The following MBD5 variants were observed in gnomAD, a reference collection of about 807,000 sequenced individuals.
MBD5 encodes methyl-CpG binding domain protein 5, also known as methyl-CpG-binding domain protein 5.
Under a neutral mutation model 117.3 loss-of-function variants are expected in MBD5, and 13 were observed. The observed-to-expected ratio is 0.11, with a 90% confidence interval of 0.07 to 0.18. MBD5 has a LOEUF of 0.18. MBD5 is among the 10% of genes least tolerant of loss of function. The pLI, the probability that MBD5 is intolerant of heterozygous loss-of-function variation, is 1.00. For synonymous variants in MBD5, 727 were observed against 766.4 expected, an observed-to-expected ratio of 0.95 and a Z score of 0.85; for missense variants, 1,879 against 2,093.8, an observed-to-expected ratio of 0.90 and a Z score of 2.00.
chr2:148,425,420 G>A (rs1409143242), intron 4 of MBD5, among the ~76,000 whole-genome samples: 1 of 152,136 alleles, frequency 6.6e-6, no homozygotes, highest in Non-Finnish European at 1.5e-5. Flanking sequence ...AAAAAGTCCA[G>A]GACTAGACAG....
chr2:148,376,393 G>A (rs1703988842), intron 4 of MBD5, among the ~76,000 whole-genome samples: 1 of 148,508 alleles, frequency 6.7e-6, no homozygotes, highest in African/African-American at 2.5e-5. Context: ...TCAGCCTCCC[G>A]AGTAGCTGGG....
intron 1 of MBD5, among the ~76,000 whole-genome samples, chr2:148,147,186 C>T (rs1467967377): frequency 6.6e-6 from 1 of 151,582 alleles, no homozygotes; most frequent in Admixed American, 6.6e-5. Context: ...TTCCTTTTTG[C>T]ATATATCATA....
chr2:148,365,604 G>T (rs1466127561), intron 4 of MBD5, among the ~76,000 whole-genome samples: 1 of 152,036 alleles, frequency 6.6e-6, no homozygotes, highest in Non-Finnish European at 1.5e-5. Flanking sequence ...AAAGAAAAAG[G>T]AGAAGAATCA....
At chr2:148,067,580 A>T (rs1488329133) in intron 1 of MBD5, among the ~76,000 whole-genome samples, 4 of 152,226 alleles carry the variant, frequency 2.6e-5, no homozygotes, top group Non-Finnish European at 1.5e-5. Context: ...CAATACATTT[A>T]GATCTATTTT....
chr2:148,433,821 TGTG>T (rs978957770), intron 4 of MBD5, among the ~76,000 whole-genome samples: 1 of 152,162 alleles, frequency 6.6e-6, no homozygotes, highest in African/African-American at 2.4e-5. Flanking sequence ...CTTTTTTTGT[TGTG>T]TGTCTGCCAG....
intron 2 of MBD5, among the ~76,000 whole-genome samples, chr2:148,212,519 A>G (rs1460019111): frequency 6.6e-6 from 1 of 152,206 alleles, no homozygotes; most frequent in Non-Finnish European, 1.5e-5. Context: ...TCAATCATCA[A>G]TGATAAAAAG....
In MBD5 at chr2:148,021,612, C is replaced by A; in HGVS notation, c.-997C>A. The A allele has an allele frequency of 2.1e-6, 1 of 468,986 alleles. No individual in the cohort carries two copies. 29.1% of individuals were successfully genotyped at this position (468,986 alleles called of 1,614,324 possible). Reference sequence around the variant, plus strand: ...CTCCTTCGCCTCCTCCTCCTCCACTCCCCCCCTTTATTACCCTTTGTGTCA... The same window carrying A: ...CTCCTTCGCCTCCTCCTCCTCCACTACCCCCCTTTATTACCCTTTGTGTCA... On this transcript the variant is annotated 5_prime_UTR_variant, in exon 1 of 14. Transcript: ENST00000642680.
At chr2:148,501,572 T>C (rs947096474) in intron 11 of MBD5, among the ~76,000 whole-genome samples, 1 of 152,204 alleles carries the variant, frequency 6.6e-6, no homozygotes, top group Non-Finnish European at 1.5e-5. Flanking sequence ...CCAAGTCACA[T>C]ACAAGTTTTC....
At chr2:148,215,562 G>A (rs1360266410) in intron 2 of MBD5, among the ~76,000 whole-genome samples, 2 of 151,832 alleles carry the variant, frequency 1.3e-5, no homozygotes, top group African/African-American at 4.8e-5. Context: ...TCGAGACAAG[G>A]TCTTAGTCTG....
At chr2:148,063,801 C>T (rs186063358) in intron 1 of MBD5, among the ~76,000 whole-genome samples, 44 of 152,126 alleles carry the variant, frequency 2.9e-4, no homozygotes, top group Non-Finnish European at 5.9e-4. Flanking sequence ...AGCCCTTTGA[C>T]CTGTGGACTC....
At chr2:148,431,542 C>T (rs76775487) in intron 4 of MBD5, among the ~76,000 whole-genome samples, 2 of 152,084 alleles carry the variant, frequency 1.3e-5, no homozygotes, top group South Asian at 2.1e-4. Context: ...TCTCTCCCCC[C>T]ACCTCCACTC....
At chr2:148,304,090 G>A (rs770275006) in intron 3 of MBD5, among the ~76,000 whole-genome samples, 2 of 152,072 alleles carry the variant, frequency 1.3e-5, no homozygotes, top group Non-Finnish European at 2.9e-5. Flanking sequence ...AGATCTCCCC[G>A]ATTCCTAGGA....
At chr2:148,127,021 G>A (rs1226023050) in intron 1 of MBD5, among the ~76,000 whole-genome samples, 1 of 147,744 alleles carries the variant, frequency 6.8e-6, no homozygotes, top group African/African-American at 2.5e-5. Context: ...CTGTCTCCCA[G>A]GCTGGAGTGC....
chr2:148,494,824 G>C (rs554548650), intron 11 of MBD5, among the ~76,000 whole-genome samples: 71 of 152,260 alleles, frequency 4.7e-4, no homozygotes, highest in South Asian at 1.0e-3. Context: ...TTAGCCGGGG[G>C]TGGTGGCGGG....
At chr2:148,489,305 A>C in intron 10 of MBD5, 81 bp from the exon 11 acceptor site, 1 of 1,545,758 alleles carries the variant, frequency 6.5e-7, no homozygotes, top group Non-Finnish European at 8.9e-7. Flanking sequence ...TCTTTTGGTA[A>C]ATTTTAAAAT....
intron 3 of MBD5, among the ~76,000 whole-genome samples, chr2:148,265,511 C>T (rs1181231046): frequency 1.3e-5 from 2 of 150,760 alleles, no homozygotes; most frequent in African/African-American, 4.9e-5. Flanking sequence ...AGATTATTTA[C>T]AGTTTTCTGT....
intron 1 of MBD5, among the ~76,000 whole-genome samples, chr2:148,050,548 C>CA (rs1694668029): frequency 6.6e-6 from 1 of 152,054 alleles, no homozygotes; most frequent in Non-Finnish European, 1.5e-5. Flanking sequence ...ATTTGATCCA[C>CA]AAAAATTTTG....
chr2:148,471,709 T>G (rs911781512), intron 8 of MBD5: 13 of 152,092 alleles, frequency 8.5e-5, no homozygotes, highest in Non-Finnish European at 1.6e-4. Context: ...TGATCTCTTA[T>G]GTTAAATATA....
intron 4 of MBD5, among the ~76,000 whole-genome samples, chr2:148,394,523 C>A (rs1203593074): frequency 7.2e-6 from 1 of 138,074 alleles, no homozygotes; most frequent in Non-Finnish European, 1.6e-5. Flanking sequence ...CAGTTAATTC[C>A]CTTTTTTCAT....
Sources: allele counts gnomAD v4.1 joint callset (sites outside exome capture counted in the v4.1 genomes callset), GRCh38; gene constraint gnomAD v4.1.1; transcripts MANE v1.5; gene names NCBI Gene and HGNC (gene_info 2026-07-23, HGNC 2026-07-21).